Variants in ZNF445 observed in about 807,000 individuals in gnomAD.
ZNF445 encodes zinc finger protein 445.
ZNF445 carries 19 observed loss-of-function variants against 93.9 expected under a neutral mutation model. That is an observed-to-expected ratio of 0.20 (90% CI 0.14 to 0.30). ZNF445 has a LOEUF of 0.30. Ranked by LOEUF, ZNF445 falls within the 10% of genes least tolerant of loss-of-function variation. ZNF445 has a pLI of 1.00. For synonymous variants in ZNF445, 449 were observed against 446.3 expected (o/e 1.01, Z -0.08); for missense variants, 1,058 against 1,259.4 (o/e 0.84, Z 2.42).
At position 44,446,542 on chromosome 3, in the gene ZNF445, AAC is replaced by A; in HGVS notation, c.*31_*32del. The stretch of plus-strand genomic sequence containing the variant: ...AAGGGTTCTCTAGCAGGGGACTGAG[AAC>A]CCACCCCCACTGTCACTGTCAGGTC... On this transcript the variant is annotated 3_prime_UTR_variant, in exon 8 of 8. Transcript: ENST00000396077. This position sits in a 1 kb window ranked among gnomAD's most constrained non-coding sequence, Gnocchi z 4.2. The A allele has an allele frequency of 6.2e-7, 1 of 1,612,774 alleles. No homozygotes were observed. The highest frequency in any genetic ancestry group is 8.5e-7 in the Non-Finnish European group (1 of 1,179,798).
At chr3:44,463,593 T>C (rs143567924) in intron 1 of ZNF445, among the ~76,000 whole-genome samples, 38 of 152,338 alleles carry the variant, frequency 2.5e-4, no homozygotes, top group Admixed American at 7.2e-4. Flanking sequence ...CTTCGCATTA[T>C]GAGAGAGCTT....
rs1697601072 is a variant in ZNF445, at chr3:44,433,352, C to T, written c.*13223G>A. 6.6e-6 allele frequency: 1 copy of T among 152,240 alleles called. No individual in the cohort carries two copies. Among genetic ancestry groups the T allele is most frequent in the South Asian group, 2.1e-4 (1 of 4,826 alleles). 9.4% of individuals were successfully genotyped at this position (152,240 alleles called of 1,614,324 possible). On this transcript the variant is annotated 3_prime_UTR_variant, in exon 8 of 8. Transcript: ENST00000396077. ...TCCCGTTCTCAGGTGATCTGCCCAC[C>T]TCAGCCTCCCAAAGTGTTGGGATTA...
rs1431788928 is a variant in ZNF445, at chr3:44,458,016, A to AC, written c.-148+227_-148+228insG. 2.0e-5 allele frequency among the ~76,000 whole-genome samples: 3 copies of AC among 151,196 alleles called. No individual in the cohort carries two copies. The East Asian group carries it at 5.8e-4, about 29-fold the overall frequency. On this transcript the variant is annotated intron_variant, in intron 2 of 7. Coordinates refer to ENST00000396077, the MANE Select transcript of ZNF445 (RefSeq NM_181489.6). ...CGACAGAATAAGACTCCGTCTCAAA[A>AC]AAAAAAAAAAAAAAAGGATCAGACT... is the stretch of plus-strand genomic sequence containing the variant.
At chr3:44,471,404 T>C (rs1280879765) in intron 1 of ZNF445, among the ~76,000 whole-genome samples, 1 of 152,186 alleles carries the variant, frequency 6.6e-6, no homozygotes, top group African/African-American at 2.4e-5. Context: ...AAGTGTGAGA[T>C]GGACAACAGG....
rs546993211 is a variant in ZNF445, at chr3:44,436,254, G to C, written c.*10321C>G. 6.6e-6 allele frequency: 1 copy of C among 152,324 alleles called. No homozygotes were observed. Among genetic ancestry groups the C allele is most frequent in the African/African-American group, 2.4e-5 (1 of 41,570 alleles). 9.4% of individuals were successfully genotyped at this position (152,324 alleles called of 1,614,324 possible). The stretch of plus-strand genomic sequence containing the variant: ...TTCAGTTCTCAGGACACTATGATCA[G>C]CAGGCAGACATCACAGATCTCTGTG... On this transcript the variant is annotated 3_prime_UTR_variant, in exon 8 of 8. Coordinates refer to ENST00000396077, the MANE Select transcript of ZNF445 (RefSeq NM_181489.6).
chr3:44,448,223 A>G lies in ZNF445; in HGVS notation c.1448T>C (p.Val483Ala), dbSNP rs747540164. The change falls in exon 8 of 8, where the codon GTG becomes GCG. Residue 483 changes from valine to alanine, a missense_variant. By Grantham distance (64) the Val-to-Ala change is moderately conservative (BLOSUM62 0). This residue lies in a region of ZNF445 where 657 missense variants were observed against 746.4 expected (regional missense o/e 0.88). Transcript: ENST00000396077. ...TCCACAGTCACTGCACTTAAATGAC[A>G]CTCCCACTGTGTGAAGACTCTGCCC... ...QRGQSLHTVG[V>A]SFKCSDCGRT... is the part of the protein sequence containing the mutation. 4.3e-6 allele frequency: 7 copies of G among 1,613,720 alleles called. No individual in the cohort carries two copies. Among genetic ancestry groups the G allele is most frequent in the East Asian group, 2.2e-5 (1 of 44,866 alleles).
chr3:44,447,760 T>C lies in ZNF445; in HGVS notation c.1911A>G (p.Arg637=), dbSNP rs763561725. 2 of 1,614,174 alleles carry C rather than the reference T, an allele frequency of 1.2e-6. No individual in the cohort carries two copies. Among genetic ancestry groups the C allele is most frequent in the Admixed American group, 3.3e-5 (2 of 60,028 alleles). ...ACCTCATATGACGAGTAAAGTTTGA[T>C]CTCCATCTAAAGGTTTTCCTACATT... The part of the protein sequence containing the change: ...CTKCRKTFRW[R]SNFTRHMRLH... The change falls in exon 8 of 8, where the codon AGA becomes AGG. Residue 637 remains arginine (R), a synonymous_variant. Coordinates refer to ENST00000396077, the MANE Select transcript of ZNF445 (RefSeq NM_181489.6). The surrounding 1 kb of genome is among the most constrained non-coding windows in gnomAD (Gnocchi z 4.7).
chr3:44,457,984 G>A (rs1268426145), intron 2 of ZNF445, among the ~76,000 whole-genome samples: 1 of 132,954 alleles, frequency 7.5e-6, no homozygotes, highest in Non-Finnish European at 1.5e-5. Flanking sequence ...CTGCACTCCA[G>A]CCTGGGCGAC....
In ZNF445 at chr3:44,436,913, C is replaced by T. The variant is rs1288376890; in HGVS notation, c.*9662G>A. On this transcript the variant is annotated 3_prime_UTR_variant, in exon 8 of 8. Transcript: ENST00000396077. ...CCACGATGATCCTGCACCCTTGTTA[C>T]CGCAAAAGGTTCCCAATCCAGACCC... The T allele has an allele frequency of 1.3e-5, 2 of 152,218 alleles. No individual in the cohort carries two copies. Among genetic ancestry groups the T allele is most frequent in the African/African-American group, 4.8e-5 (2 of 41,464 alleles). 9.4% of individuals were successfully genotyped at this position (152,218 alleles called of 1,614,324 possible). A position where few individuals can be genotyped will look rare whatever the true frequency, so the allele number is the denominator to read the frequency against.
At chr3:44,459,498 G>C (rs542981480) in intron 1 of ZNF445, among the ~76,000 whole-genome samples, 26 of 152,052 alleles carry the variant, frequency 1.7e-4, no homozygotes, top group Non-Finnish European at 2.8e-4. Context: ...TCTCTTCTTA[G>C]GGCTTGATAA....
At position 44,453,712 on chromosome 3, in the gene ZNF445, G is replaced by A. The variant is rs570948373; in HGVS notation, c.429+1409C>T. Among the ~76,000 whole-genome samples, 76 of 152,328 alleles carry A rather than the reference G, an allele frequency of 5.0e-4. 1 individual carries two copies. The highest frequency in any genetic ancestry group is 1.8e-3 in the African/African-American group (73 of 41,566). On this transcript the variant is annotated intron_variant, in intron 3 of 7. Transcript: ENST00000396077. ...TGTGCAGGAGAAGGGCAGGAAGAAC[G>A]AACGCACTTGAACTGACCAGCTGCT...
intron 1 of ZNF445, among the ~76,000 whole-genome samples, chr3:44,473,347 G>A (rs1043824600): frequency 2.6e-5 from 4 of 151,564 alleles, no homozygotes; most frequent in Non-Finnish European, 4.4e-5. Flanking sequence ...CCAGCTACTC[G>A]GGAGGCTGAG....
intron 1 of ZNF445, among the ~76,000 whole-genome samples, chr3:44,468,281 T>C (rs1465734813): frequency 2.0e-5 from 3 of 152,220 alleles, no homozygotes; most frequent in African/African-American, 7.2e-5. Context: ...TGCAAAATTA[T>C]GACTGAGACA....
At chr3:44,475,713 C>G (rs973686171) in intron 1 of ZNF445, among the ~76,000 whole-genome samples, 3 of 152,092 alleles carry the variant, frequency 2.0e-5, no homozygotes, top group Non-Finnish European at 2.9e-5. Flanking sequence ...TAATATAAAA[C>G]AAGAGGCGGG....
At chr3:44,471,163 A>G (rs998142723) in intron 1 of ZNF445, among the ~76,000 whole-genome samples, 5 of 152,202 alleles carry the variant, frequency 3.3e-5, no homozygotes, top group African/African-American at 1.2e-4. Context: ...GATCACCTGC[A>G]TCCAGAATTT....
chr3:44,470,946 G>A (rs1698260874), intron 1 of ZNF445, among the ~76,000 whole-genome samples: 1 of 151,966 alleles, frequency 6.6e-6, no homozygotes, highest in Admixed American at 6.5e-5. Flanking sequence ...AAACAGGCAA[G>A]TGAGGTAGAG....
Position 44,447,966 on chromosome 3 carries a change from G to T in ZNF445, c.1705C>A (p.Leu569Ile). ...GCTGCCCTATACTGATTCAATTCAA[G>T]AAATTTCTTCTTAGCATGGGTTTCT... ...HRETHAKKKF[L>I]ELNQYRAALT... The change falls in exon 8 of 8, where the codon CTT becomes ATT. Residue 569 changes from leucine (L) to isoleucine (I), a missense_variant. Leu to Ile is a conservative substitution (Grantham distance 5). Around this residue, in one of 3 missense-constraint regions of ZNF445, gnomAD observed 657 missense variants for 746.4 expected, o/e 0.88. Coordinates refer to ENST00000396077, the MANE Select transcript of ZNF445 (RefSeq NM_181489.6). The surrounding 1 kb of genome is among the most constrained non-coding windows in gnomAD (Gnocchi z 4.7). 2 of 1,612,976 alleles carry T rather than the reference G, an allele frequency of 1.2e-6. No homozygotes were observed. The highest frequency in any genetic ancestry group is 8.5e-7 in the Non-Finnish European group (1 of 1,179,992).
rs756034793 is a variant in ZNF445, at chr3:44,447,685, G to A, written c.1986C>T (p.Phe662=). The part of the protein sequence containing the change: ...FYKQDECREG[F]RQSPDCSQPQ... ...GCTGACTGCAGTCAGGAGATTGCCT[G>A]AAGCCTTCACGACATTCATCTTGTT... Residue 662 remains phenylalanine (F), a synonymous_variant, in exon 8 of 8, where the codon TTC becomes TTT. Coordinates refer to ENST00000396077, the MANE Select transcript of ZNF445 (RefSeq NM_181489.6). This position sits in a 1 kb window ranked among gnomAD's most constrained non-coding sequence, Gnocchi z 4.7. The A allele has an allele frequency of 6.8e-6, 11 of 1,614,114 alleles. No individual in the cohort carries two copies. Among genetic ancestry groups the A allele is most frequent in the Non-Finnish European group, 8.5e-6 (10 of 1,180,024 alleles).
In ZNF445 at chr3:44,446,820, GC is replaced by G; in HGVS notation, c.2850del (p.Met950IlefsTer22). 6.2e-7 allele frequency: 1 copy of G among 1,614,150 alleles called. No homozygotes were observed. The highest frequency in any genetic ancestry group is 8.5e-7 in the Non-Finnish European group (1 of 1,180,048). On this transcript the variant is annotated frameshift_variant, in exon 8 of 8. Transcript: ENST00000396077. LOFTEE classifies it high-confidence loss of function. The surrounding 1 kb of genome is among the most constrained non-coding windows in gnomAD (Gnocchi z 4.2). ...CAAGCTTCTTTGCAGTCTTCGAGGG[GC>G]ATCTCTTCACTTGGTTTTAGCTTCT... is the stretch of plus-strand genomic sequence containing the variant. ...RLQKLKPSEEMPLEDCKEACS... is the reference protein window; with the variant it reads ...RLQKLKPSEEXPLEDCKEACS...
Sources: gnomAD v4.1 joint callset for allele counts (sites outside exome capture counted in the v4.1 genomes callset) on GRCh38, gnomAD v4.1.1 for gene constraint, gnomAD v4.1.1 regional missense constraint, Gnocchi (gnomAD v3.1) non-coding constraint, MANE v1.5 for transcripts, NCBI Gene and HGNC (gene_info 2026-07-23, HGNC 2026-07-21) for gene names.